Variants in LDB2 observed in about 807,000 individuals in gnomAD.
The protein encoded by LDB2 is LIM domain binding 2.
LDB2 carries 12 observed loss-of-function variants against 44.3 expected under a neutral mutation model. That is an observed-to-expected ratio of 0.27 (90% CI 0.17 to 0.44). The LOEUF is 0.44. LDB2 is among the 20% of genes least tolerant of loss of function. The pLI is 1.00. For missense variants in LDB2, 344 were observed against 473.5 expected, an observed-to-expected ratio of 0.73 and a Z score of 2.54; for synonymous variants, 164 against 174.8, an observed-to-expected ratio of 0.94 and a Z score of 0.49.
chr4:16,577,122 T>G (rs1425249928), intron 5 of LDB2, among the ~76,000 whole-genome samples: 1 of 152,176 alleles, frequency 6.6e-6, no homozygotes, highest in East Asian at 1.9e-4. Flanking sequence ...ACAGCTGGTA[T>G]CATACTGAAT....
intron 1 of LDB2, among the ~76,000 whole-genome samples, chr4:16,770,309 CAAAT>C (rs764868011): frequency 9.2e-5 from 14 of 152,132 alleles, no homozygotes; most frequent in Non-Finnish European, 1.9e-4. Context: ...CTTAATTCAA[CAAAT>C]AAATATTTAT....
chr4:16,584,688 A>G (rs140778460), intron 5 of LDB2, among the ~76,000 whole-genome samples: 3,120 of 152,344 alleles, frequency 0.02, 40 homozygotes, highest in South Asian at 0.051. Flanking sequence ...GGAGACGGGT[A>G]GTGCCTTCTT....
intron 1 of LDB2, among the ~76,000 whole-genome samples, chr4:16,814,172 G>A (rs1398554946): frequency 2.0e-5 from 3 of 152,188 alleles, no homozygotes; most frequent in Non-Finnish European, 4.4e-5. Flanking sequence ...ACCCGGCCAG[G>A]GATACTGTTT....
chr4:16,833,412 T>C (rs1784359634), intron 1 of LDB2, among the ~76,000 whole-genome samples: 1 of 152,218 alleles, frequency 6.6e-6, no homozygotes, highest in African/African-American at 2.4e-5. Flanking sequence ...AAACAATTAA[T>C]TTTCCTTTGC....
intron 2 of LDB2, chr4:16,674,053 GTTT>G: frequency 2.7e-6 from 1 of 365,044 alleles, no homozygotes; most frequent in South Asian, 2.1e-5. Context: ...TCGCCTTAGT[GTTT>G]ACCAAGTGCT....
At chr4:16,731,956 T>G (rs568559068) in intron 2 of LDB2, among the ~76,000 whole-genome samples, 63 of 152,324 alleles carry the variant, frequency 4.1e-4, no homozygotes, top group African/African-American at 1.4e-3. Flanking sequence ...CAGTTCCTTG[T>G]CAGCTGTGGG....
At chr4:16,884,819 A>G (rs1721165920) in intron 1 of LDB2, among the ~76,000 whole-genome samples, 1 of 152,104 alleles carries the variant, frequency 6.6e-6, no homozygotes, top group East Asian at 1.9e-4. Flanking sequence ...GAATTAACTC[A>G]CTCTATCTTA....
At chr4:16,717,321 C>T (rs975289993) in intron 2 of LDB2, among the ~76,000 whole-genome samples, 4 of 152,176 alleles carry the variant, frequency 2.6e-5, no homozygotes, top group South Asian at 2.1e-4. Context: ...TCAGAAAAAG[C>T]AGGCCTGGTT....
intron 1 of LDB2, among the ~76,000 whole-genome samples, chr4:16,816,963 A>G (rs1421135148): frequency 6.6e-6 from 1 of 151,974 alleles, no homozygotes; most frequent in Non-Finnish European, 1.5e-5. Flanking sequence ...CCCTGTACTT[A>G]TATCTGTTCT....
intron 2 of LDB2, among the ~76,000 whole-genome samples, chr4:16,601,841 A>G (rs970705289): frequency 1.3e-5 from 2 of 152,178 alleles, no homozygotes; most frequent in Non-Finnish European, 2.9e-5. Context: ...ACAAATGAAT[A>G]TGCTCCTAGG....
intron 2 of LDB2, among the ~76,000 whole-genome samples, chr4:16,672,918 T>C (rs1034602762): frequency 4.0e-5 from 6 of 151,374 alleles, no homozygotes; most frequent in Non-Finnish European, 7.4e-5. Context: ...TTATCTTTTT[T>C]CTCTTCCTTC....
At position 16,582,295 on chromosome 4, in the gene LDB2, G is replaced by A. The variant is rs775173661; in HGVS notation, c.615+3627C>T. 5.9e-5 allele frequency among the ~76,000 whole-genome samples: 9 copies of A among 152,214 alleles called. No homozygotes were observed. The highest frequency in any genetic ancestry group is 1.3e-4 in the Non-Finnish European group (9 of 68,034). ...TGAATAAATGGGCAAACAGGATCTG[G>A]TGGGAACTGACAAGGCTCCACAGCC... is the stretch of plus-strand genomic sequence containing the variant. On this transcript the variant is annotated intron_variant, in intron 5 of 7. Coordinates refer to ENST00000304523, the MANE Select transcript of LDB2 (RefSeq NM_001290.5). This position sits in a 1 kb window ranked among gnomAD's most constrained non-coding sequence, Gnocchi z 4.8.
chr4:16,748,285 CA>C (rs1453958323), intron 2 of LDB2, among the ~76,000 whole-genome samples: 8 of 151,992 alleles, frequency 5.3e-5, no homozygotes, highest in Non-Finnish European at 1.0e-4. Flanking sequence ...AGGAGAATAC[CA>C]ATTGGGAAAG....
At chr4:16,816,451 C>T (rs557436455) in intron 1 of LDB2, among the ~76,000 whole-genome samples, 77 of 146,366 alleles carry the variant, frequency 5.3e-4, no homozygotes, top group African/African-American at 1.8e-3. Flanking sequence ...CTCTGTTGCC[C>T]AGGCTAGAGG....
intron 5 of LDB2, among the ~76,000 whole-genome samples, chr4:16,558,180 C>A (rs988695273): frequency 1.3e-5 from 2 of 152,172 alleles, no homozygotes; most frequent in Non-Finnish European, 1.5e-5. Flanking sequence ...AACCCAGCTC[C>A]TCACCAGCAA....
intron 5 of LDB2, among the ~76,000 whole-genome samples, chr4:16,553,244 C>G (rs1738291570): frequency 6.6e-6 from 1 of 152,160 alleles, no homozygotes; most frequent in South Asian, 2.1e-4. Context: ...CCTTGAACTC[C>G]TAGGCCCAAG....
intron 5 of LDB2, among the ~76,000 whole-genome samples, chr4:16,540,028 C>T (rs1418528097): frequency 1.3e-5 from 2 of 152,042 alleles, no homozygotes; most frequent in African/African-American, 4.8e-5. Context: ...TGGCAGAAGG[C>T]GAAGGGGAAG....
chr4:16,554,050 A>ATT (rs369728278), intron 5 of LDB2, among the ~76,000 whole-genome samples: 17 of 140,706 alleles, frequency 1.2e-4, no homozygotes, highest in Non-Finnish European at 1.2e-4. Context: ...AATGGCCTGA[A>ATT]TTTTTTTTTT....
At chr4:16,858,455 T>A (rs1056982095) in intron 1 of LDB2, among the ~76,000 whole-genome samples, 1 of 152,246 alleles carries the variant, frequency 6.6e-6, no homozygotes, top group Non-Finnish European at 1.5e-5. Context: ...TCACTGTGAC[T>A]AAGAGGGACC....
Sources: allele counts gnomAD v4.1 joint callset (sites outside exome capture counted in the v4.1 genomes callset), GRCh38; gene constraint gnomAD v4.1.1; non-coding constraint Gnocchi (gnomAD v3.1); transcripts MANE v1.5; gene names NCBI Gene and HGNC (gene_info 2026-07-23, HGNC 2026-07-21).